ZBTB44: variants seen among roughly 807,000 people sequenced by gnomAD.
The protein encoded by ZBTB44 is zinc finger and BTB domain-containing protein 44.
ZBTB44 carries 15 observed loss-of-function variants against 54.0 expected under a neutral mutation model. The ratio of observed to expected loss-of-function variants is 0.28; its 90% CI spans 0.19 to 0.43. The LOEUF is 0.43. Ranked by LOEUF, ZBTB44 falls within the 20% of genes least tolerant of loss-of-function variation. ZBTB44 has a pLI of 1.00. For missense variants in ZBTB44, 487 were observed against 707.1 expected (o/e 0.69, Z 3.53); for synonymous variants, 230 against 250.1 (o/e 0.92, Z 0.76).
At position 130,314,532 on chromosome 11, in the gene ZBTB44, C is replaced by T. The variant is rs1199203698; in HGVS notation, c.-214G>A. 1 of 151,490 alleles carries T rather than the reference C, an allele frequency of 6.6e-6. No individual in the cohort carries two copies. The highest frequency in any genetic ancestry group is 2.0e-4 in the East Asian group (1 of 5,012). The allele number at this position is 151,490 out of a possible 1,614,324, so 9.4% of individuals were successfully genotyped here. On this transcript the variant is annotated 5_prime_UTR_variant, in exon 1 of 8. Transcript: ENST00000357899. The stretch of plus-strand genomic sequence containing the variant: ...CCGGGAGGCTCAGGGGCCCCTATCT[C>T]GGGCCGCCGCGCCTAGGCCCGTGAG...
At chr11:130,255,802 A>C (rs1938384119) in intron 2 of ZBTB44, among the ~76,000 whole-genome samples, 3 of 151,980 alleles carry the variant, frequency 2.0e-5, no homozygotes, top group Admixed American at 2.0e-4. Context: ...ATCTAGACGA[A>C]AATTCCTGGA....
At chr11:130,289,195 T>G (rs746611402) in intron 1 of ZBTB44, among the ~76,000 whole-genome samples, 1 of 151,316 alleles carries the variant, frequency 6.6e-6, no homozygotes, top group Non-Finnish European at 1.5e-5. Context: ...TATAAAAAAT[T>G]TAGGTGGCTG....
chr11:130,274,111 C>A (rs893388731), intron 1 of ZBTB44, among the ~76,000 whole-genome samples: 1 of 151,716 alleles, frequency 6.6e-6, no homozygotes, highest in Non-Finnish European at 1.5e-5. Context: ...AGTTTGGGAC[C>A]GAAAGTATTT....
chr11:130,274,796 C>A (rs1473860041), intron 1 of ZBTB44, among the ~76,000 whole-genome samples: 1 of 152,142 alleles, frequency 6.6e-6, no homozygotes, highest in Non-Finnish European at 1.5e-5. Context: ...ATCCATTATT[C>A]ATAAGAGATA....
chr11:130,305,088 A>G (rs1177326733), intron 1 of ZBTB44, among the ~76,000 whole-genome samples: 1 of 152,180 alleles, frequency 6.6e-6, no homozygotes, highest in Non-Finnish European at 1.5e-5. Flanking sequence ...ACTACAAAAC[A>G]CTGTTCAAAC....
intron 1 of ZBTB44, among the ~76,000 whole-genome samples, chr11:130,267,892 T>C (rs949069766): frequency 2.0e-5 from 3 of 151,280 alleles, no homozygotes; most frequent in Non-Finnish European, 4.4e-5. Context: ...GACAACATGG[T>C]GAAATCCTGT....
intron 1 of ZBTB44, among the ~76,000 whole-genome samples, chr11:130,291,330 G>C (rs960873883): frequency 1.3e-5 from 2 of 152,028 alleles, no homozygotes; most frequent in African/African-American, 4.8e-5. Context: ...GTAGAGACAG[G>C]GTTTCACTAT....
intron 2 of ZBTB44, 139 bp from the exon 3 acceptor site, chr11:130,240,035 T>C (rs981602315): frequency 7.2e-6 from 4 of 553,726 alleles, no homozygotes; most frequent in Non-Finnish European, 1.2e-5. Context: ...CAAAGTAGTG[T>C]TCTACATTTT....
chr11:130,236,888 T>A lies in ZBTB44; in HGVS notation c.1473A>T (p.Thr491=). The part of the protein sequence containing the change: ...IRKPRIYECK[T]CGAMFTNSGN... Reference sequence around the variant, plus strand: ...CAGAGTTGGTGAACATGGCGCCACATGTTTTGCACTCGTAAATCCGAGGCT... The same window carrying A: ...CAGAGTTGGTGAACATGGCGCCACAAGTTTTGCACTCGTAAATCCGAGGCT... Residue 491 remains threonine, a synonymous_variant, in exon 5 of 8, where the codon ACA becomes ACT. Transcript: ENST00000357899. The A allele has an allele frequency of 1.9e-6, 3 of 1,558,472 alleles. No homozygotes were observed. Among genetic ancestry groups the A allele is most frequent in the Non-Finnish European group, 2.6e-6 (3 of 1,154,030 alleles).
chr11:130,296,451 T>C (rs1489976119), intron 1 of ZBTB44: 2 of 1,237,696 alleles, frequency 1.6e-6, no homozygotes, highest in Middle Eastern at 2.7e-4. Context: ...GACCACATTC[T>C]TCCAGTTCTG....
At chr11:130,297,099 AT>A (rs778405423) in intron 1 of ZBTB44, among the ~76,000 whole-genome samples, 5 of 152,124 alleles carry the variant, frequency 3.3e-5, no homozygotes, top group South Asian at 2.1e-4. Flanking sequence ...TCTAAAATGA[AT>A]TTTTTCCCCT....
chr11:130,293,456 A>G (rs2134379909), intron 1 of ZBTB44, among the ~76,000 whole-genome samples: 1 of 147,132 alleles, frequency 6.8e-6, no homozygotes, highest in African/African-American at 2.5e-5. Flanking sequence ...CCGGGATGAC[A>G]GCAAGATCTT....
Position 130,256,837 on chromosome 11 carries a change from C to G in ZBTB44, c.1018+4019G>C, listed in dbSNP as rs949618445. 2.0e-5 allele frequency among the ~76,000 whole-genome samples: 3 copies of G among 151,962 alleles called. No individual in the cohort carries two copies. The East Asian group carries it at 5.8e-4, about 29-fold the overall frequency. ...AAAGCATTCCCTTTGAAAACCGGCA[C>G]AAGACAAGGATGCTCTCTCTCACCA... On this transcript the variant is annotated intron_variant, in intron 2 of 7. Transcript: ENST00000357899.
chr11:130,257,134 A>G (rs188417330), intron 2 of ZBTB44, among the ~76,000 whole-genome samples: 36 of 152,106 alleles, frequency 2.4e-4, no homozygotes, highest in African/African-American at 8.2e-4. Context: ...GTAATAGACA[A>G]GCAGAGAGCC....
intron 1 of ZBTB44, among the ~76,000 whole-genome samples, chr11:130,264,187 A>G (rs1454310853): frequency 6.6e-6 from 1 of 152,248 alleles, no homozygotes; most frequent in Non-Finnish European, 1.5e-5. Context: ...ATGACCTAAT[A>G]TATGTTAAGT....
intron 1 of ZBTB44, among the ~76,000 whole-genome samples, chr11:130,301,470 A>G (rs942608532): frequency 6.6e-6 from 1 of 152,080 alleles, no homozygotes; most frequent in Admixed American, 6.5e-5. Flanking sequence ...CCTGGGCAAC[A>G]TGGTAAGATC....
chr11:130,239,320 CTTTATACATTTATGTG>C (rs1954251099), intron 3 of ZBTB44: 1 of 153,242 alleles, frequency 6.5e-6, no homozygotes, highest in African/African-American at 2.4e-5. Flanking sequence ...GTGAAATGCC[CTTTATACATTTATGTG>C]GAAATATCAA....
chr11:130,277,600 T>C (rs1171188206), intron 1 of ZBTB44, among the ~76,000 whole-genome samples: 2 of 152,202 alleles, frequency 1.3e-5, no homozygotes, highest in African/African-American at 2.4e-5. Flanking sequence ...ATTACATATA[T>C]GTATATACAT....
chr11:130,289,383 T>C (rs1290465063), intron 1 of ZBTB44, among the ~76,000 whole-genome samples: 3 of 150,258 alleles, frequency 2.0e-5, no homozygotes, highest in African/African-American at 7.4e-5. Context: ...CTCAAGAGGC[T>C]GAGGCAGGAG....
Sources: allele counts gnomAD v4.1 joint callset (sites outside exome capture counted in the v4.1 genomes callset), GRCh38; gene constraint gnomAD v4.1.1; transcripts MANE v1.5; gene names NCBI Gene and HGNC (gene_info 2026-07-23, HGNC 2026-07-21).